WWOX: variants seen among roughly 807,000 people sequenced by gnomAD.
The protein encoded by WWOX is WW domain-containing oxidoreductase.
A neutral mutation model predicts 46.2 loss-of-function variants in WWOX; 69 were observed. That is an observed-to-expected ratio of 1.49 (90% confidence interval 1.23 to 1.82). The LOEUF (loss-of-function observed/expected upper bound fraction) is 1.82. Ranked by LOEUF, WWOX falls within the 40% of genes most tolerant of loss-of-function variation. The pLI, the probability that WWOX is intolerant of heterozygous loss-of-function variation, is 0.00. For synonymous variants in WWOX, 359 were observed against 202.6 expected, an observed-to-expected ratio of 1.77 and a Z score of -6.56; for missense variants, 919 against 542.6, an observed-to-expected ratio of 1.69 and a Z score of -6.89.
intron 5 of WWOX, among the ~76,000 whole-genome samples, chr16:78,345,257 T>G (rs1220926819): frequency 8.7e-6 from 1 of 114,428 alleles, no homozygotes; most frequent in East Asian, 1.9e-4. Flanking sequence ...ATTCCTCATC[T>G]ATAAAAGGGA....
At chr16:79,033,234 A>T (rs1303695570) in intron 8 of WWOX, among the ~76,000 whole-genome samples, 1 of 147,456 alleles carries the variant, frequency 6.8e-6, no homozygotes, top group Non-Finnish European at 1.5e-5. Context: ...GGGTAAAACA[A>T]AGTCTATAAA....
At chr16:78,599,542 G>T (rs1597328231) in intron 8 of WWOX, among the ~76,000 whole-genome samples, 1 of 152,180 alleles carries the variant, frequency 6.6e-6, no homozygotes, top group South Asian at 2.1e-4. Context: ...ATGGCCTCAG[G>T]AGGGCCACAT....
chr16:79,139,107 C>A (rs114012572), intron 8 of WWOX, among the ~76,000 whole-genome samples: 190 of 152,350 alleles, frequency 1.2e-3, no homozygotes, highest in African/African-American at 4.2e-3. Flanking sequence ...TCCCCGGCCC[C>A]ATTCCCTCTG....
intron 8 of WWOX, among the ~76,000 whole-genome samples, chr16:78,862,905 C>T (rs2043921735): frequency 6.6e-6 from 1 of 151,644 alleles, no homozygotes; most frequent in Admixed American, 6.6e-5. Flanking sequence ...TCTGGGTATC[C>T]TGTGGCCCAG....
chr16:78,950,171 A>G (rs1486812405), intron 8 of WWOX, among the ~76,000 whole-genome samples: 1 of 152,038 alleles, frequency 6.6e-6, no homozygotes, highest in Non-Finnish European at 1.5e-5. Flanking sequence ...TCCCTTCTTG[A>G]TAGGTTGTAG....
At chr16:78,421,985 A>G (rs560508930) in intron 6 of WWOX, among the ~76,000 whole-genome samples, 2 of 152,332 alleles carry the variant, frequency 1.3e-5, no homozygotes, top group South Asian at 2.1e-4. Flanking sequence ...ATACAAGATA[A>G]TACAAATATA....
At chr16:78,889,689 A>G (rs1030093771) in intron 8 of WWOX, among the ~76,000 whole-genome samples, 1 of 152,118 alleles carries the variant, frequency 6.6e-6, no homozygotes, top group Non-Finnish European at 1.5e-5. Flanking sequence ...GCAAACTCTC[A>G]GTGTGGGCAG....
At chr16:79,052,869 G>A (rs2048194825) in intron 8 of WWOX, among the ~76,000 whole-genome samples, 1 of 151,136 alleles carries the variant, frequency 6.6e-6, no homozygotes, top group Non-Finnish European at 1.5e-5. Context: ...GAAGTGGATG[G>A]CAAGAAGATA....
chr16:78,373,920 T>G (rs1427568155), intron 5 of WWOX, among the ~76,000 whole-genome samples: 1 of 152,112 alleles, frequency 6.6e-6, no homozygotes, highest in African/African-American at 2.4e-5. Flanking sequence ...CCCAAGTAGC[T>G]GCATTAAATA....
At chr16:79,198,573 G>A (rs1006274582) in intron 8 of WWOX, among the ~76,000 whole-genome samples, 6 of 152,090 alleles carry the variant, frequency 3.9e-5, no homozygotes, top group Non-Finnish European at 8.8e-5. Context: ...ATCATACTAC[G>A]GGATAATTGA....
chr16:78,385,900 G>A (rs551834227), intron 5 of WWOX, among the ~76,000 whole-genome samples: 1 of 152,236 alleles, frequency 6.6e-6, no homozygotes, highest in South Asian at 2.1e-4. Flanking sequence ...CTCGCACTCC[G>A]AAGCGCACCC....
At chr16:78,678,906 C>G (rs998630427) in intron 8 of WWOX, among the ~76,000 whole-genome samples, 2 of 152,144 alleles carry the variant, frequency 1.3e-5, no homozygotes, top group African/African-American at 4.8e-5. Flanking sequence ...AGCCACCTAC[C>G]CAGGCTGGCA....
At chr16:78,439,013 A>G (rs1423239014) in intron 8 of WWOX, among the ~76,000 whole-genome samples, 1 of 152,154 alleles carries the variant, frequency 6.6e-6, no homozygotes, top group Non-Finnish European at 1.5e-5. Flanking sequence ...TGTTCCTGAA[A>G]TTAGTATTTT....
chr16:78,895,153 C>T (rs1314600362), intron 8 of WWOX, among the ~76,000 whole-genome samples: 1 of 152,190 alleles, frequency 6.6e-6, no homozygotes, highest in Non-Finnish European at 1.5e-5. Flanking sequence ...CTTTTTCAAA[C>T]CACATTTCAA....
intron 5 of WWOX, among the ~76,000 whole-genome samples, chr16:78,330,414 C>G (rs560588143): frequency 1.3e-5 from 2 of 149,356 alleles, no homozygotes; most frequent in South Asian, 4.2e-4. Flanking sequence ...TTTTTTTTTC[C>G]CCTGAGAAAG....
At chr16:78,847,534 A>C (rs1045837150) in intron 8 of WWOX, among the ~76,000 whole-genome samples, 1 of 151,868 alleles carries the variant, frequency 6.6e-6, no homozygotes, top group African/African-American at 2.4e-5. Flanking sequence ...GGGTCTTGCT[A>C]TGTTGCCCAG....
chr16:78,709,697 T>G (rs2048398044), intron 8 of WWOX, among the ~76,000 whole-genome samples: 1 of 151,924 alleles, frequency 6.6e-6, no homozygotes, highest in South Asian at 2.1e-4. Flanking sequence ...GAAATTGGCT[T>G]TGTGTTGGGG....
intron 8 of WWOX, among the ~76,000 whole-genome samples, chr16:78,864,804 C>G (rs1050271815): frequency 2.9e-5 from 4 of 137,768 alleles, no homozygotes; most frequent in African/African-American, 8.4e-5. Context: ...ACTCTATTGC[C>G]CAGGCTGGAG....
intron 8 of WWOX, among the ~76,000 whole-genome samples, chr16:78,590,145 A>ATTCTCT (rs201222690): frequency 0.12 from 2,516 of 20,328 alleles, 52 homozygotes; most frequent in East Asian, 0.36. Flanking sequence ...TTAGGCATTC[A>ATTCTCT]GTCTCTCTCT....
Sources: gnomAD v4.1 joint callset for allele counts (sites outside exome capture counted in the v4.1 genomes callset) on GRCh38, gnomAD v4.1.1 for gene constraint, MANE v1.5 for transcripts, NCBI Gene and HGNC (gene_info 2026-07-23, HGNC 2026-07-21) for gene names.